DHRSX: variants seen among roughly 807,000 people sequenced by gnomAD.
The protein encoded by DHRSX is polyprenol dehydrogenase.
In DHRSX, 31 loss-of-function variants were observed where a neutral mutation model predicts 34.0. That is an observed-to-expected ratio of 0.91 (90% CI 0.69 to 1.23). DHRSX has a LOEUF of 1.23. Among genes scored for constraint, DHRSX ranks in the 50% most tolerant of loss-of-function variants. The pLI, the probability that DHRSX is intolerant of heterozygous loss-of-function variation, is 0.00. For missense variants in DHRSX, 414 were observed against 428.1 expected (o/e 0.97, Z 0.29); for synonymous variants, 201 against 183.8 (o/e 1.09, Z -0.76).
intron 1 of DHRSX, among the ~76,000 whole-genome samples, chrX:2,474,147 C>T (rs980395912): frequency 6.9e-6 from 1 of 145,894 alleles, no homozygotes; most frequent in African/African-American, 2.7e-5. Flanking sequence ...CAGACACAGA[C>T]ACTCAGAAGA....
chrX:2,366,083 C>G (rs1006852204), intron 3 of DHRSX, among the ~76,000 whole-genome samples: 9 of 152,172 alleles, frequency 5.9e-5, no homozygotes, highest in Non-Finnish European at 1.2e-4. Context: ...TCTCTAAACC[C>G]TTACAATAGG....
At chrX:2,346,895 A>C (rs1188088018) in intron 3 of DHRSX, among the ~76,000 whole-genome samples, 8 of 151,594 alleles carry the variant, frequency 5.3e-5, no homozygotes, top group East Asian at 1.9e-4. Context: ...TGAGAACATG[A>C]GGTGTTTGGT....
At chrX:2,293,166 T>C (rs1215136951) in intron 3 of DHRSX, among the ~76,000 whole-genome samples, 3 of 152,058 alleles carry the variant, frequency 2.0e-5, no homozygotes, top group Non-Finnish European at 2.9e-5. Context: ...ATGTCTATTG[T>C]ATTCAGTATA....
Position 2,494,017 on chromosome X carries a change from C to T in DHRSX, c.109+6800G>A, listed in dbSNP as rs1432479618. On this transcript the variant is annotated intron_variant, in intron 1 of 6. Transcript: ENST00000334651. ...AAAAAAGATATATATGCTATTATTA[C>T]TATTGTTTTTAGGCTGGAAGAGGTC... 2.0e-5 allele frequency among the ~76,000 whole-genome samples: 3 copies of T among 151,076 alleles called. No homozygotes were observed. The East Asian group carries it at 5.9e-4, about 30-fold the overall frequency.
At chrX:2,396,531 C>G in intron 3 of DHRSX, among the ~76,000 whole-genome samples, 1 of 151,930 alleles carries the variant, frequency 6.6e-6, no homozygotes, top group East Asian at 1.9e-4. Context: ...GCTCCCGCCA[C>G]CACGCCTGGC....
intron 2 of DHRSX, among the ~76,000 whole-genome samples, chrX:2,422,177 C>T (rs1214355071): frequency 3.3e-5 from 5 of 152,164 alleles, no homozygotes; most frequent in Admixed American, 2.6e-4. Context: ...GTTTATGATC[C>T]ATGATCATCT....
intron 3 of DHRSX, among the ~76,000 whole-genome samples, chrX:2,405,550 A>T (rs1043480527): frequency 3.3e-5 from 5 of 151,446 alleles, no homozygotes; most frequent in Non-Finnish European, 7.4e-5. Context: ...TCACACCTAT[A>T]ATCCCAGCAC....
At chrX:2,258,966 G>C (rs2124450900) in intron 5 of DHRSX, among the ~76,000 whole-genome samples, 1 of 152,186 alleles carries the variant, frequency 6.6e-6, no homozygotes, top group East Asian at 1.9e-4. Flanking sequence ...AAGTTGAATT[G>C]TAAGTCTCGA....
chrX:2,371,598 G>C (rs867823713), intron 3 of DHRSX, among the ~76,000 whole-genome samples: 1 of 106,840 alleles, frequency 9.4e-6, no homozygotes, highest in African/African-American at 3.8e-5. Flanking sequence ...CCCATTAGCA[G>C]AGTCCCTCCT....
At chrX:2,414,724 A>G (rs962387749) in intron 2 of DHRSX, among the ~76,000 whole-genome samples, 2 of 151,996 alleles carry the variant, frequency 1.3e-5, no homozygotes, top group Non-Finnish European at 2.9e-5. Flanking sequence ...TCATAAACAA[A>G]TTACATCTCA....
intron 4 of DHRSX, among the ~76,000 whole-genome samples, chrX:2,285,651 A>C (rs1327088144): frequency 6.6e-6 from 1 of 152,132 alleles, no homozygotes; most frequent in Non-Finnish European, 1.5e-5. Flanking sequence ...GCCCTGGTTT[A>C]GGGGTCTGCA....
intron 4 of DHRSX, among the ~76,000 whole-genome samples, chrX:2,276,128 C>T (rs1004540068): frequency 6.6e-6 from 1 of 152,212 alleles, no homozygotes; most frequent in Non-Finnish European, 1.5e-5. Context: ...AGGCGTGGGC[C>T]ATCGCGCCCG....
chrX:2,284,461 C>T (rs1024097885), intron 4 of DHRSX, among the ~76,000 whole-genome samples: 2 of 146,070 alleles, frequency 1.4e-5, no homozygotes, highest in Non-Finnish European at 3.1e-5. Flanking sequence ...TACCAAAAAA[C>T]AGAGTCTTTA....
chrX:2,485,573 A>G (rs1168531248), intron 1 of DHRSX, among the ~76,000 whole-genome samples: 1 of 108,814 alleles, frequency 9.2e-6, no homozygotes, highest in Non-Finnish European at 1.7e-5. Flanking sequence ...GGAGGGAGGA[A>G]AGGAAGGAAG....
At chrX:2,450,692 G>A (rs1409104343) in intron 1 of DHRSX, among the ~76,000 whole-genome samples, 1 of 151,150 alleles carries the variant, frequency 6.6e-6, no homozygotes, top group East Asian at 1.9e-4. Context: ...AGCAAGGAGG[G>A]TTTCTGTGTC....
chrX:2,375,883 G>A (rs1294130081), intron 3 of DHRSX, among the ~76,000 whole-genome samples: 1 of 136,272 alleles, frequency 7.3e-6, no homozygotes, highest in African/African-American at 2.5e-5. Context: ...CACCTGCCTC[G>A]GCCTCCCAAA....
At chrX:2,330,812 G>A (rs1438137269) in intron 3 of DHRSX, among the ~76,000 whole-genome samples, 1 of 151,592 alleles carries the variant, frequency 6.6e-6, no homozygotes, top group Non-Finnish European at 1.5e-5. Flanking sequence ...ATGAAGGAGA[G>A]AATAAATGAA....
intron 1 of DHRSX, among the ~76,000 whole-genome samples, chrX:2,425,538 T>C (rs1306961813): frequency 6.6e-6 from 1 of 152,176 alleles, no homozygotes; most frequent in East Asian, 1.9e-4. Flanking sequence ...TGTCATCCCC[T>C]GTGAGTCCCT....
chrX:2,336,832 AAGAT>A (rs977643568), intron 3 of DHRSX, among the ~76,000 whole-genome samples: 80 of 103,438 alleles, frequency 7.7e-4, no homozygotes, highest in African/African-American at 2.6e-3. Context: ...CAGCAGCCCT[AAGAT>A]AGATAGATAG....
Sources: allele counts gnomAD v4.1 joint callset (sites outside exome capture counted in the v4.1 genomes callset), GRCh38; gene constraint gnomAD v4.1.1; transcripts MANE v1.5; gene names NCBI Gene and HGNC (gene_info 2026-07-23, HGNC 2026-07-21).